The following ADAM22 variants were observed in gnomAD, a reference collection of about 807,000 sequenced individuals.
ADAM22 encodes ADAM metallopeptidase domain 22.
In ADAM22, 65 loss-of-function variants were observed where a neutral mutation model predicts 144.6. That is an observed-to-expected ratio of 0.45 (90% CI 0.37 to 0.55). The LOEUF is 0.55. ADAM22 is among the 20% of genes least tolerant of loss of function. The probability of loss-of-function intolerance (pLI) is 0.00; values close to 1 mark genes in which losing one functional copy is unlikely to be tolerated. For synonymous variants in ADAM22, 391 were observed against 412.6 expected, an observed-to-expected ratio of 0.95 and a Z score of 0.63; for missense variants, 974 against 1,184.9, an observed-to-expected ratio of 0.82 and a Z score of 2.61.
intron 29 of ADAM22, 50 bp from the exon 30 acceptor site, chr7:88,186,565 G>T: frequency 8.0e-7 from 1 of 1,243,104 alleles, no homozygotes. Context: ...TGTATTTTCA[G>T]ATTTTCTATC....
At chr7:88,137,896 G>A (rs1833409734) in intron 14 of ADAM22, among the ~76,000 whole-genome samples, 1 of 152,174 alleles carries the variant, frequency 6.6e-6, no homozygotes, top group African/African-American at 2.4e-5. Flanking sequence ...GCTCATGGCT[G>A]TAATCCCATC....
intron 3 of ADAM22, among the ~76,000 whole-genome samples, chr7:87,991,528 G>A (rs979788570): frequency 1.2e-4 from 18 of 151,792 alleles, no homozygotes; most frequent in African/African-American, 3.4e-4. Context: ...CACCGCGCCC[G>A]GCTAATTTTT....
chr7:88,004,990 T>C (rs1431224800), intron 3 of ADAM22, among the ~76,000 whole-genome samples: 2 of 152,154 alleles, frequency 1.3e-5, no homozygotes, highest in Non-Finnish European at 2.9e-5. Flanking sequence ...TAATGCTATA[T>C]TATTATAAAA....
At chr7:88,102,499 G>T (rs1392902725) in intron 4 of ADAM22, among the ~76,000 whole-genome samples, 1 of 152,160 alleles carries the variant, frequency 6.6e-6, no homozygotes, top group African/African-American at 2.4e-5. Flanking sequence ...CAGAGATTGT[G>T]ATTTAGATGG....
At chr7:88,033,005 A>G (rs1800665519) in intron 3 of ADAM22, among the ~76,000 whole-genome samples, 1 of 152,216 alleles carries the variant, frequency 6.6e-6, no homozygotes, top group Non-Finnish European at 1.5e-5. Flanking sequence ...TAAATTACCC[A>G]TTCTCAGGTA....
chr7:88,132,897 G>A lies in ADAM22; in HGVS notation c.1023G>A (p.Gly341=), dbSNP rs1466032549. 1 of 1,613,948 alleles carries A rather than the reference G, an allele frequency of 6.2e-7. No homozygotes were observed. The highest frequency in any genetic ancestry group is 8.5e-7 in the Non-Finnish European group (1 of 1,179,934). Residue 341 remains glycine, a synonymous_variant, in exon 12 of 32, where the codon GGG becomes GGA. Transcript: ENST00000413139. ...GTCAATTTGAGAGTAGCCGGAGCGG[G>A]GCAGCTTATATTGGTGGGATTTGCT... The part of the protein sequence containing the change: ...SGSQFESSRS[G]AAYIGGICSL...
chr7:88,080,365 A>G (rs1160503544), intron 4 of ADAM22, among the ~76,000 whole-genome samples: 2 of 152,194 alleles, frequency 1.3e-5, no homozygotes, highest in African/African-American at 4.8e-5. Context: ...AGGGAAATTT[A>G]TAGCACTAAA....
intron 3 of ADAM22, among the ~76,000 whole-genome samples, chr7:88,054,491 C>A (rs1425723524): frequency 6.6e-6 from 1 of 152,108 alleles, no homozygotes; most frequent in East Asian, 1.9e-4. Context: ...CTTCAAGACT[C>A]AGATCTATCA....
chr7:88,162,949 G>T lies in ADAM22; in HGVS notation c.1908-63G>T, dbSNP rs1023424017. 46 of 1,574,056 alleles carry T rather than the reference G, an allele frequency of 2.9e-5. No individual in the cohort carries two copies. The African/African-American group carries it at 3.4e-4, about 12-fold the overall frequency. On this transcript the variant is annotated intron_variant, in intron 22 of 31. Transcript: ENST00000413139. ...CAATATTGCCTGCTTTTAAGTTTTT[G>T]AGCATATTTTCAAAATGAAGGTGAA...
intron 3 of ADAM22, among the ~76,000 whole-genome samples, chr7:87,995,814 G>T (rs924478136): frequency 2.6e-5 from 4 of 152,130 alleles, no homozygotes; most frequent in African/African-American, 9.7e-5. Flanking sequence ...TTCCCTTACA[G>T]ATATTTGAAT....
intron 31 of ADAM22, among the ~76,000 whole-genome samples, chr7:88,193,637 C>G (rs1323499496): frequency 6.6e-6 from 1 of 152,176 alleles, no homozygotes; most frequent in Non-Finnish European, 1.5e-5. Flanking sequence ...CAGACTGGTC[C>G]TCAGAGACTT....
chr7:87,945,679 A>AT (rs538354792), intron 2 of ADAM22, among the ~76,000 whole-genome samples: 325 of 151,772 alleles, frequency 2.1e-3, no homozygotes, highest in African/African-American at 7.7e-3. Flanking sequence ...CACCCAGCTA[A>AT]TTTTTTGTAT....
intron 4 of ADAM22, among the ~76,000 whole-genome samples, chr7:88,083,695 G>A (rs148029884): frequency 6.7e-6 from 1 of 149,378 alleles, no homozygotes; most frequent in African/African-American, 2.5e-5. Flanking sequence ...AATACCTCCT[G>A]TATACCTATA....
chr7:88,109,441 A>G (rs1825417019), intron 5 of ADAM22, among the ~76,000 whole-genome samples: 1 of 152,084 alleles, frequency 6.6e-6, no homozygotes, highest in Non-Finnish European at 1.5e-5. Context: ...AAATCGTTTC[A>G]TTTCCTTCTT....
chr7:88,055,909 C>T (rs1482294522), intron 3 of ADAM22, among the ~76,000 whole-genome samples: 1 of 152,206 alleles, frequency 6.6e-6, no homozygotes, highest in Admixed American at 6.5e-5. Context: ...TCTTCAACCC[C>T]TATCATGACA....
At chr7:88,147,723 T>C (rs571629475) in intron 17 of ADAM22, among the ~76,000 whole-genome samples, 2 of 152,142 alleles carry the variant, frequency 1.3e-5, no homozygotes, top group Non-Finnish European at 2.9e-5. Flanking sequence ...AAATCCTCCC[T>C]CCCTATTCTT....
In ADAM22 at chr7:87,935,189, G is replaced by A. The variant is rs778263281; in HGVS notation, c.246+3G>A. The A allele has an allele frequency of 3.1e-6, 5 of 1,595,340 alleles. No homozygotes were observed. The highest frequency in any genetic ancestry group is 3.5e-5 in the Admixed American group (2 of 57,862). On this transcript the variant is annotated splice_donor_region_variant and intron_variant, in intron 2 of 31. Transcript: ENST00000413139. ...GGGGCGACCTCGGTGGCCCGCAGGT[G>A]AGAGGCTCGGTCCGGGAGGTGGTCC...
At chr7:87,970,160 T>C (rs370713855) in intron 2 of ADAM22, among the ~76,000 whole-genome samples, 1 of 152,172 alleles carries the variant, frequency 6.6e-6, no homozygotes, top group Non-Finnish European at 1.5e-5. Context: ...TTTGCAGCTC[T>C]TTTGCCAGAA....
At chr7:88,102,124 AG>A in intron 4 of ADAM22, among the ~76,000 whole-genome samples, 1 of 152,366 alleles carries the variant, frequency 6.6e-6, no homozygotes, top group East Asian at 1.9e-4. Flanking sequence ...TTCACTAAAA[AG>A]GATGTCCAGG....
Sources: allele counts gnomAD v4.1 joint callset (sites outside exome capture counted in the v4.1 genomes callset), GRCh38; gene constraint gnomAD v4.1.1; transcripts MANE v1.5; gene names NCBI Gene and HGNC (gene_info 2026-07-23, HGNC 2026-07-21).